Variants in LINGO2 observed in about 807,000 individuals in gnomAD.
LINGO2 encodes the protein leucine rich repeat and Ig domain containing 2, also known as leucine-rich repeat and immunoglobulin-like domain-containing nogo receptor-interacting protein 2.
In LINGO2, 14 loss-of-function variants were observed where a neutral mutation model predicts 30.6. The ratio of observed to expected loss-of-function variants is 0.46; its 90% CI spans 0.30 to 0.72. The LOEUF is 0.72. Ranked by LOEUF, LINGO2 falls within the 30% of genes least tolerant of loss-of-function variation. LINGO2 has a pLI of 0.07. For synonymous variants in LINGO2, 317 were observed against 288.5 expected, an observed-to-expected ratio of 1.10 and a Z score of -1.00; for missense variants, 729 against 751.7, an observed-to-expected ratio of 0.97 and a Z score of 0.35.
At chr9:28,014,079 G>A (rs1340150701) in intron 4 of LINGO2, among the ~76,000 whole-genome samples, 2 of 151,738 alleles carry the variant, frequency 1.3e-5, no homozygotes, top group African/African-American at 4.8e-5. Flanking sequence ...GCCTTTTTTT[G>A]CCACCACTGT....
the LINGO2 span, among the ~76,000 whole-genome samples, chr9:28,988,569 T>A: frequency 1.3e-5 from 2 of 152,200 alleles, no homozygotes; most frequent in Non-Finnish European, 2.9e-5. Flanking sequence ...TACTGACATT[T>A]TGTTCACTGT....
chr9:28,134,553 G>T (rs1009645808), intron 4 of LINGO2, among the ~76,000 whole-genome samples: 12 of 152,194 alleles, frequency 7.9e-5, no homozygotes, highest in Non-Finnish European at 1.3e-4. Context: ...GCTGGTAAGT[G>T]CTTGGAGACC....
the LINGO2 span, among the ~76,000 whole-genome samples, chr9:29,063,888 C>T: frequency 7.2e-5 from 11 of 152,088 alleles, no homozygotes; most frequent in Non-Finnish European, 1.3e-4. Flanking sequence ...ATAACAATAC[C>T]TACATAACAA....
At chr9:28,018,554 A>C (rs1484755970) in intron 4 of LINGO2, among the ~76,000 whole-genome samples, 4 of 152,234 alleles carry the variant, frequency 2.6e-5, no homozygotes, top group Non-Finnish European at 5.9e-5. Flanking sequence ...GATACTTTTC[A>C]GAAGACATAC....
At chr9:28,434,389 AC>A (rs1483294811) in intron 2 of LINGO2, among the ~76,000 whole-genome samples, 1 of 151,820 alleles carries the variant, frequency 6.6e-6, no homozygotes, top group African/African-American at 2.4e-5. Context: ...AATACTGAGA[AC>A]ATTATTCAGA....
At chr9:28,230,093 TCAA>T (rs1821305370) in intron 4 of LINGO2, among the ~76,000 whole-genome samples, 1 of 151,870 alleles carries the variant, frequency 6.6e-6, no homozygotes, top group Non-Finnish European at 1.5e-5. Flanking sequence ...AAAATAACTA[TCAA>T]CGTCACATTT....
intron 1 of LINGO2, among the ~76,000 whole-genome samples, chr9:28,613,238 T>C (rs1445573548): frequency 6.6e-6 from 1 of 152,104 alleles, no homozygotes; most frequent in Non-Finnish European, 1.5e-5. Flanking sequence ...CAGATACTTT[T>C]GTGGGGAAGC....
chr9:29,204,777 T>C, the LINGO2 span, among the ~76,000 whole-genome samples: 1 of 152,220 alleles, frequency 6.6e-6, no homozygotes, highest in Non-Finnish European at 1.5e-5. Context: ...ACCTCCTTTC[T>C]AATCTCTCTG....
the LINGO2 span, among the ~76,000 whole-genome samples, chr9:29,019,760 T>TA: frequency 7.9e-5 from 12 of 152,178 alleles, no homozygotes; most frequent in South Asian, 4.1e-4. Flanking sequence ...TACAAGAAAA[T>TA]ATTTTTTTTT....
intron 4 of LINGO2, among the ~76,000 whole-genome samples, chr9:28,248,749 T>C (rs1175115448): frequency 6.6e-6 from 1 of 152,194 alleles, no homozygotes; most frequent in Non-Finnish European, 1.5e-5. Context: ...ACAACTACTA[T>C]GTATCCAGAA....
chr9:28,071,966 C>T (rs1825492046), intron 4 of LINGO2, among the ~76,000 whole-genome samples: 2 of 152,236 alleles, frequency 1.3e-5, no homozygotes, highest in South Asian at 2.1e-4. Context: ...CTATATAAGT[C>T]TTTAGACAAT....
the LINGO2 span, among the ~76,000 whole-genome samples, chr9:28,702,295 T>G: frequency 6.6e-6 from 1 of 151,834 alleles, no homozygotes; most frequent in South Asian, 2.1e-4. Flanking sequence ...TAGAAGAAGT[T>G]TCCCACTATT....
intron 2 of LINGO2, among the ~76,000 whole-genome samples, chr9:28,472,827 T>A (rs1200215408): frequency 6.6e-6 from 1 of 152,164 alleles, no homozygotes; most frequent in East Asian, 1.9e-4. Flanking sequence ...CAAATCTGAT[T>A]CTGTTATTTG....
intron 1 of LINGO2, among the ~76,000 whole-genome samples, chr9:28,550,005 A>G (rs117686737): frequency 0.013 from 2,048 of 151,924 alleles, 45 homozygotes; most frequent in East Asian, 0.097. Flanking sequence ...ATTTACTTGA[A>G]TTGCCATTCA....
At chr9:28,050,095 G>T (rs1824603201) in intron 4 of LINGO2, among the ~76,000 whole-genome samples, 1 of 150,702 alleles carries the variant, frequency 6.6e-6, no homozygotes, top group Non-Finnish European at 1.5e-5. Context: ...ATTAGATTGA[G>T]ATGGAAGGAG....
intron 2 of LINGO2, among the ~76,000 whole-genome samples, chr9:28,461,296 A>G (rs537967129): frequency 1.3e-5 from 2 of 152,228 alleles, no homozygotes; most frequent in Admixed American, 1.3e-4. Flanking sequence ...AGTGCTATAC[A>G]AGCAGTATTT....
the LINGO2 span, among the ~76,000 whole-genome samples, chr9:28,913,960 G>A: frequency 1.3e-5 from 2 of 152,196 alleles, no homozygotes; most frequent in Admixed American, 6.5e-5. Context: ...TCATTTAATT[G>A]TACTTTTGAA....
At chr9:28,547,514 AT>A (rs1564282421) in intron 1 of LINGO2, among the ~76,000 whole-genome samples, 1 of 152,152 alleles carries the variant, frequency 6.6e-6, no homozygotes, top group African/African-American at 2.4e-5. Context: ...TAAACTACAT[AT>A]AAAACAACTT....
chr9:28,054,796 T>G (rs371822449), intron 4 of LINGO2, among the ~76,000 whole-genome samples: 1 of 150,834 alleles, frequency 6.6e-6, no homozygotes, highest in African/African-American at 2.5e-5. Context: ...ACTTAATTTT[T>G]AATTTTCAAT....
Sources: allele counts gnomAD v4.1 joint callset (sites outside exome capture counted in the v4.1 genomes callset), GRCh38; gene constraint gnomAD v4.1.1; transcripts MANE v1.5; gene names NCBI Gene and HGNC (gene_info 2026-07-23, HGNC 2026-07-21).